Variants in SEMA3A observed in about 807,000 individuals in gnomAD.
SEMA3A encodes the protein semaphorin 3A, also known as semaphorin-3A.
A neutral mutation model predicts 97.9 loss-of-function variants in SEMA3A; 29 were observed. That is an observed-to-expected ratio of 0.30 (90% CI 0.22 to 0.40). The LOEUF is 0.40. Among genes scored for constraint, SEMA3A ranks in the 10% least tolerant of loss-of-function variants. The pLI, the probability that SEMA3A is intolerant of heterozygous loss-of-function variation, is 1.00. For synonymous variants in SEMA3A, 321 were observed against 323.7 expected (o/e 0.99, Z 0.09); for missense variants, 763 against 951.3 (o/e 0.80, Z 2.60).
intron 4 of SEMA3A, among the ~76,000 whole-genome samples, chr7:84,072,330 C>A (rs919736198): frequency 2.0e-5 from 3 of 151,840 alleles, no homozygotes; most frequent in Admixed American, 6.6e-5. Flanking sequence ...CAACTTATTT[C>A]TTTGTGGAAC....
At chr7:83,994,431 C>T (rs1790110489) in intron 12 of SEMA3A, among the ~76,000 whole-genome samples, 2 of 121,234 alleles carry the variant, frequency 1.6e-5, no homozygotes, top group African/African-American at 6.1e-5. Context: ...TCTGTTTTTT[C>T]CCCATCTTTG....
At chr7:84,399,329 C>T (rs1301853549) in intron 1 of SEMA3A, among the ~76,000 whole-genome samples, 2 of 152,112 alleles carry the variant, frequency 1.3e-5, no homozygotes, top group East Asian at 1.9e-4. Flanking sequence ...TGACCTTGAG[C>T]CTTGAATAAA....
At position 83,994,917 on chromosome 7, in the gene SEMA3A, A is replaced by G. The variant is rs992297935; in HGVS notation, c.1452+7038T>C. Among the ~76,000 whole-genome samples, 6 of 152,054 alleles carry G rather than the reference A, an allele frequency of 3.9e-5. No individual in the cohort carries two copies. The South Asian group carries it at 8.3e-4, about 21-fold the overall frequency. ...ATGGCGGGCACCCCTCCCCCAGCCTAGCTGCCGCCTTGCAGTTTGATCTCA... is the reference window on the plus strand; with the variant it reads ...ATGGCGGGCACCCCTCCCCCAGCCTGGCTGCCGCCTTGCAGTTTGATCTCA... On this transcript the variant is annotated intron_variant, in intron 12 of 16. Coordinates refer to ENST00000265362, the MANE Select transcript of SEMA3A (RefSeq NM_006080.3).
At chr7:84,419,180 G>A (rs1057485007) in intron 1 of SEMA3A, among the ~76,000 whole-genome samples, 3 of 152,098 alleles carry the variant, frequency 2.0e-5, no homozygotes, top group South Asian at 2.1e-4. Flanking sequence ...ATTTTCTCTC[G>A]ACTATTTGAA....
chr7:84,109,749 C>T (rs1218912733), intron 4 of SEMA3A, among the ~76,000 whole-genome samples: 1 of 152,080 alleles, frequency 6.6e-6, no homozygotes, highest in Non-Finnish European at 1.5e-5. Flanking sequence ...ACCACGTGAA[C>T]ACTTTTGTTC....
At chr7:84,129,350 G>T (rs1297724812) in intron 2 of SEMA3A, among the ~76,000 whole-genome samples, 165 bp from the exon 3 acceptor site, 2 of 152,136 alleles carry the variant, frequency 1.3e-5, no homozygotes, top group African/African-American at 2.4e-5. Context: ...CCAGTTAATT[G>T]GTGTGAACAT....
At chr7:84,186,498 A>G (rs1046898707) in intron 1 of SEMA3A, among the ~76,000 whole-genome samples, 4 of 152,198 alleles carry the variant, frequency 2.6e-5, no homozygotes, top group Non-Finnish European at 4.4e-5. Flanking sequence ...GTTGAAGGTT[A>G]AAAGAAAACA....
intron 3 of SEMA3A, among the ~76,000 whole-genome samples, chr7:84,204,808 A>C (rs1798447859): frequency 6.6e-6 from 1 of 152,188 alleles, no homozygotes; most frequent in Non-Finnish European, 1.5e-5. Context: ...GACTTAGACT[A>C]ACAAGTATGA....
At chr7:84,418,669 T>G (rs529620617) in intron 1 of SEMA3A, among the ~76,000 whole-genome samples, 1 of 152,136 alleles carries the variant, frequency 6.6e-6, no homozygotes, top group Middle Eastern at 3.4e-3. Context: ...TACTCTGGGT[T>G]CTTAAGCTTT....
intron 3 of SEMA3A, among the ~76,000 whole-genome samples, chr7:84,116,182 A>C (rs993649686): frequency 6.6e-6 from 1 of 152,142 alleles, no homozygotes; most frequent in African/African-American, 2.4e-5. Flanking sequence ...CAAAGTACTG[A>C]AGTCTGTTTT....
At chr7:84,235,817 T>G (rs1168697083) in intron 3 of SEMA3A, among the ~76,000 whole-genome samples, 2 of 152,116 alleles carry the variant, frequency 1.3e-5, no homozygotes, top group Non-Finnish European at 2.9e-5. Flanking sequence ...ATAGCTACTT[T>G]AGACCATACT....
At chr7:84,005,111 A>C (rs1790611887) in intron 11 of SEMA3A, among the ~76,000 whole-genome samples, 1 of 152,172 alleles carries the variant, frequency 6.6e-6, no homozygotes, top group Non-Finnish European at 1.5e-5. Flanking sequence ...TCTAATACAT[A>C]TGGCATACAA....
chr7:84,366,875 A>AG (rs1297017000), intron 2 of SEMA3A, among the ~76,000 whole-genome samples: 2 of 151,278 alleles, frequency 1.3e-5, no homozygotes, highest in Non-Finnish European at 3.0e-5. Context: ...TTGGTTATGC[A>AG]GGATTTTTTT....
intron 3 of SEMA3A, among the ~76,000 whole-genome samples, chr7:84,237,264 A>G (rs973322184): frequency 5.3e-5 from 8 of 152,190 alleles, no homozygotes; most frequent in African/African-American, 1.2e-4. Flanking sequence ...CTTAGCAACC[A>G]CAGTCTAACT....
intron 3 of SEMA3A, among the ~76,000 whole-genome samples, chr7:84,222,588 T>G (rs2116339447): frequency 6.6e-6 from 1 of 152,044 alleles, no homozygotes; most frequent in South Asian, 2.1e-4. Context: ...AGTTTTACTT[T>G]TGTTCTAAAG....
intron 1 of SEMA3A, among the ~76,000 whole-genome samples, chr7:84,432,595 G>A (rs879404271): frequency 1.8e-4 from 28 of 152,014 alleles, no homozygotes; most frequent in Non-Finnish European, 3.2e-4. Flanking sequence ...ATTTCCATGA[G>A]TAGCCAGTAT....
rs117861751 is a variant in SEMA3A, at chr7:84,335,671, G to A, written c.-168-28379C>T. Among the ~76,000 whole-genome samples, 8 of 152,172 alleles carry A rather than the reference G, an allele frequency of 5.3e-5. No individual in the cohort carries two copies. The East Asian group carries it at 1.2e-3, about 22-fold the overall frequency. On this transcript the variant is annotated intron_variant, in intron 2 of 3. Coordinates refer to the SEMA3A transcript ENST00000424555. ...ATTATAATTAATAATAAGAATGAAC[G>A]TATGACCTTAGAGAGTGAATATACT...
At chr7:84,258,298 A>G (rs1799762095) in intron 3 of SEMA3A, among the ~76,000 whole-genome samples, 1 of 152,144 alleles carries the variant, frequency 6.6e-6, no homozygotes, top group Admixed American at 6.6e-5. Context: ...CTTAGTTTGT[A>G]ACTGTTATTA....
intron 1 of SEMA3A, among the ~76,000 whole-genome samples, chr7:84,381,963 G>A (rs557227463): frequency 1.1e-4 from 17 of 152,188 alleles, no homozygotes; most frequent in African/African-American, 2.4e-4. Flanking sequence ...ACAAGAATTG[G>A]GTAGTTGAGG....
Sources: allele counts gnomAD v4.1 joint callset (sites outside exome capture counted in the v4.1 genomes callset), GRCh38; gene constraint gnomAD v4.1.1; transcripts MANE v1.5; gene names NCBI Gene and HGNC (gene_info 2026-07-23, HGNC 2026-07-21).